CTNNA2: variants seen among roughly 807,000 people sequenced by gnomAD.
The protein encoded by CTNNA2 is catenin alpha 2.
In CTNNA2, 42 loss-of-function variants were observed where a neutral mutation model predicts 101.0. The ratio of observed to expected loss-of-function variants is 0.42; its 90% CI spans 0.32 to 0.54. CTNNA2 has a LOEUF of 0.54. Among genes scored for constraint, CTNNA2 ranks in the 20% least tolerant of loss-of-function variants. CTNNA2 has a pLI of 0.14. For missense variants in CTNNA2, 871 were observed against 1,223.1 expected (o/e 0.71, Z 4.29); for synonymous variants, 450 against 456.4 (o/e 0.99, Z 0.18).
chr2:80,143,654 T>G (rs113250840), intron 7 of CTNNA2, among the ~76,000 whole-genome samples: 36 of 152,212 alleles, frequency 2.4e-4, no homozygotes, highest in African/African-American at 8.7e-4. Flanking sequence ...GTAAAATACA[T>G]TCCTACATTC....
intron 7 of CTNNA2, among the ~76,000 whole-genome samples, chr2:80,045,859 A>G (rs1415901901): frequency 6.6e-6 from 1 of 152,206 alleles, no homozygotes; most frequent in Non-Finnish European, 1.5e-5. Flanking sequence ...AATAGAAATA[A>G]AGATGGCATA....
chr2:80,231,361 C>T (rs1709200334), intron 7 of CTNNA2, among the ~76,000 whole-genome samples: 1 of 152,152 alleles, frequency 6.6e-6, no homozygotes, highest in African/African-American at 2.4e-5. Flanking sequence ...CTGAGACTGC[C>T]TGTGATGGTA....
chr2:79,768,007 C>T (rs1044383621), intron 3 of CTNNA2, among the ~76,000 whole-genome samples: 6 of 151,626 alleles, frequency 4.0e-5, no homozygotes, highest in Admixed American at 6.6e-5. Context: ...CACTAGGACT[C>T]GGTTTATTTA....
chr2:80,575,305 AAATT>A (rs1216159033), intron 13 of CTNNA2: 4 of 152,224 alleles, frequency 2.6e-5, no homozygotes, highest in African/African-American at 9.6e-5. Flanking sequence ...CAAAAAGATG[AAATT>A]AATTATAATT....
chr2:79,371,590 G>C (rs1455043433), intron 3 of CTNNA2, among the ~76,000 whole-genome samples: 1 of 152,110 alleles, frequency 6.6e-6, no homozygotes, highest in African/African-American at 2.4e-5. Flanking sequence ...AAGAAAATGA[G>C]TTGGCCTGAG....
intron 7 of CTNNA2, among the ~76,000 whole-genome samples, chr2:80,138,672 G>A (rs1245022308): frequency 6.6e-6 from 1 of 152,008 alleles, no homozygotes; most frequent in Admixed American, 6.6e-5. Context: ...TCATATTCTG[G>A]TTTCATCCTG....
At chr2:79,754,530 G>A (rs1672267859) in intron 3 of CTNNA2, among the ~76,000 whole-genome samples, 1 of 152,054 alleles carries the variant, frequency 6.6e-6, no homozygotes. Flanking sequence ...CACAGTGTGG[G>A]GATGGTGGGC....
At chr2:80,551,425 C>A (rs1051168101) in intron 11 of CTNNA2, among the ~76,000 whole-genome samples, 2 of 152,160 alleles carry the variant, frequency 1.3e-5, no homozygotes, top group African/African-American at 4.8e-5. Flanking sequence ...TAAATGGCAC[C>A]GTCTTCCAGT....
intron 2 of CTNNA2, among the ~76,000 whole-genome samples, chr2:79,261,579 A>T (rs956583063): frequency 6.6e-6 from 1 of 152,240 alleles, no homozygotes; most frequent in Admixed American, 6.5e-5. Flanking sequence ...CCTTGCAGAC[A>T]GCACCTTCCC....
chr2:79,187,497 G>A (rs942790333), intron 1 of CTNNA2, among the ~76,000 whole-genome samples: 1 of 151,924 alleles, frequency 6.6e-6, no homozygotes, highest in Admixed American at 6.6e-5. Flanking sequence ...AATAATAAAG[G>A]AAATTTGACA....
chr2:79,357,051 G>A (rs374985742), intron 3 of CTNNA2, among the ~76,000 whole-genome samples: 18 of 152,304 alleles, frequency 1.2e-4, no homozygotes, highest in African/African-American at 3.4e-4. Context: ...ATAGAGCTGG[G>A]TGGATTGGCT....
intron 7 of CTNNA2, among the ~76,000 whole-genome samples, chr2:80,102,772 A>G (rs1700621926): frequency 1.3e-5 from 2 of 152,234 alleles, no homozygotes; most frequent in Middle Eastern, 3.4e-3. Flanking sequence ...TCAGCCTCCC[A>G]ATGTGCTGGG....
rs1201476729 is a variant in CTNNA2 at position 79,842,993 on chromosome 2, C to G, written c.299-15020C>G. ...CAGAGTATGGCAAAATAGATTTGTACAATGCTGCCATTTTTAGATATAATC... is the reference window on the plus strand; with the variant it reads ...CAGAGTATGGCAAAATAGATTTGTAGAATGCTGCCATTTTTAGATATAATC... On this transcript the variant is annotated intron_variant, in intron 3 of 18. Transcript: ENST00000402739. 5.3e-5 allele frequency among the ~76,000 whole-genome samples: 8 copies of G among 152,132 alleles called. No homozygotes were observed. The South Asian group carries it at 1.7e-3, about 31-fold the overall frequency.
chr2:80,252,253 C>G lies in CTNNA2; in HGVS notation c.1057-140958C>G, dbSNP rs367702654. On this transcript the variant is annotated intron_variant, in intron 7 of 18. Transcript: ENST00000402739. Reference sequence around the variant, plus strand: ...AACAGAACCTTGCACATAGTTACTGCTCAATAAATATTTTCTGGATTACTA... The same window carrying G: ...AACAGAACCTTGCACATAGTTACTGGTCAATAAATATTTTCTGGATTACTA... Among the ~76,000 whole-genome samples the G allele has an allele frequency of 3.3e-4, 50 of 152,210 alleles. No individual in the cohort carries two copies. The South Asian group carries it at 0.01, about 32-fold the overall frequency.
intron 16 of CTNNA2, among the ~76,000 whole-genome samples, chr2:80,606,567 A>AC (rs1698046920): frequency 1.3e-5 from 2 of 151,960 alleles, no homozygotes; most frequent in East Asian, 3.9e-4. Context: ...ATTTTTGATA[A>AC]AGAAATCTTC....
At chr2:80,641,954 A>C (rs1280953755) in intron 18 of CTNNA2, among the ~76,000 whole-genome samples, 1 of 152,154 alleles carries the variant, frequency 6.6e-6, no homozygotes, top group Non-Finnish European at 1.5e-5. Context: ...ATCACCCTAC[A>C]TGAAACAATT....
intron 1 of CTNNA2, among the ~76,000 whole-genome samples, chr2:79,587,308 G>A (rs924289393): frequency 7.9e-5 from 12 of 152,008 alleles, no homozygotes; most frequent in Non-Finnish European, 7.4e-5. Context: ...GAAAGAAACC[G>A]TGGGCTGAGT....
At chr2:79,918,035 C>T (rs1686380226) in intron 7 of CTNNA2, among the ~76,000 whole-genome samples, 2 of 152,136 alleles carry the variant, frequency 1.3e-5, no homozygotes, top group African/African-American at 4.8e-5. Context: ...AAGTGGGGGA[C>T]TTAGGTCCTC....
At chr2:79,825,115 G>A (rs942313289) in intron 3 of CTNNA2, among the ~76,000 whole-genome samples, 4 of 152,162 alleles carry the variant, frequency 2.6e-5, no homozygotes, top group Admixed American at 2.6e-4. Context: ...CTTGAGCCCA[G>A]GAGTTCAAGG....
Sources: gnomAD v4.1 joint callset for allele counts (sites outside exome capture counted in the v4.1 genomes callset) on GRCh38, gnomAD v4.1.1 for gene constraint, MANE v1.5 for transcripts, NCBI Gene and HGNC (gene_info 2026-07-23, HGNC 2026-07-21) for gene names.